The following RBMS3 variants were observed in gnomAD, a reference collection of about 807,000 sequenced individuals.
RBMS3 encodes RNA-binding motif, single-stranded-interacting protein 3.
In RBMS3, 27 loss-of-function variants were observed where a neutral mutation model predicts 66.8. The ratio of observed to expected loss-of-function variants is 0.40; its 90% CI spans 0.30 to 0.56. RBMS3 has a LOEUF of 0.56. Among genes scored for constraint, RBMS3 ranks in the 20% least tolerant of loss-of-function variants. The probability of loss-of-function intolerance (pLI) is 0.40; values close to 1 mark genes in which losing one functional copy is unlikely to be tolerated. For synonymous variants in RBMS3, 188 were observed against 183.0 expected (o/e 1.03, Z -0.22); for missense variants, 513 against 549.5 (o/e 0.93, Z 0.66).
chr3:29,437,752 C>T (rs1335812091), intron 2 of RBMS3, among the ~76,000 whole-genome samples: 1 of 152,092 alleles, frequency 6.6e-6, no homozygotes, highest in African/African-American at 2.4e-5. Context: ...TGACTTTTTG[C>T]CTCTTAACGT....
intron 10 of RBMS3, among the ~76,000 whole-genome samples, chr3:29,935,388 T>C (rs935900802): frequency 1.3e-5 from 2 of 152,082 alleles, no homozygotes; most frequent in Non-Finnish European, 2.9e-5. Context: ...GATTTAAAAG[T>C]TGACACTTTT....
chr3:29,337,483 T>A (rs2036021476), intron 1 of RBMS3, among the ~76,000 whole-genome samples: 1 of 151,666 alleles, frequency 6.6e-6, no homozygotes, highest in South Asian at 2.1e-4. Flanking sequence ...TACAAAAAAT[T>A]AAAAAATTAG....
chr3:29,677,146 G>A (rs2051290991), intron 4 of RBMS3, among the ~76,000 whole-genome samples: 1 of 152,060 alleles, frequency 6.6e-6, no homozygotes, highest in African/African-American at 2.4e-5. Flanking sequence ...AAGGGGGATG[G>A]TACTAAACAA....
intron 8 of RBMS3, among the ~76,000 whole-genome samples, chr3:29,892,265 T>C (rs2060018002): frequency 6.6e-6 from 1 of 151,540 alleles, no homozygotes; most frequent in African/African-American, 2.4e-5. Context: ...AGTTAACGTC[T>C]CTTAGCCACT....
Position 29,287,751 on chromosome 3 carries a change from C to A in RBMS3, c.75+5995C>A, listed in dbSNP as rs1431694831. ...GAGATAATAAATCTATAGGATTAAT[C>A]ATACTAATCATCACTACCATTCATA... On this transcript the variant is annotated intron_variant, in intron 1 of 14. Coordinates refer to ENST00000383767, the MANE Select transcript of RBMS3 (RefSeq NM_001003793.3). Among the ~76,000 whole-genome samples the A allele has an allele frequency of 2.6e-5, 4 of 152,078 alleles. No individual in the cohort carries two copies. The East Asian group carries it at 7.7e-4, about 29-fold the overall frequency.
intron 3 of RBMS3, among the ~76,000 whole-genome samples, chr3:29,549,962 A>T (rs1368902755): frequency 6.6e-6 from 1 of 152,180 alleles, no homozygotes; most frequent in African/African-American, 2.4e-5. Flanking sequence ...TAGGCATTAA[A>T]AAAAATGAAA....
At chr3:29,338,692 TCTC>T (rs1169020857) in intron 1 of RBMS3, among the ~76,000 whole-genome samples, 1 of 95,362 alleles carries the variant, frequency 1.0e-5, no homozygotes, top group African/African-American at 3.8e-5. Flanking sequence ...TCTCCTCTCC[TCTC>T]CTCCTCCTCT....
At chr3:29,822,804 G>A (rs572975561) in intron 6 of RBMS3, among the ~76,000 whole-genome samples, 2 of 152,272 alleles carry the variant, frequency 1.3e-5, no homozygotes, top group Admixed American at 1.3e-4. Flanking sequence ...ACCTATGATG[G>A]TGTCATGGCT....
chr3:29,727,901 T>C (rs2053952739), intron 4 of RBMS3, among the ~76,000 whole-genome samples: 1 of 152,130 alleles, frequency 6.6e-6, no homozygotes, highest in African/African-American at 2.4e-5. Context: ...AAAAGACACA[T>C]GCACATGTAT....
chr3:29,828,898 T>G (rs541374639), intron 6 of RBMS3, among the ~76,000 whole-genome samples: 40 of 152,286 alleles, frequency 2.6e-4, no homozygotes, highest in African/African-American at 9.1e-4. Context: ...GATAACTGTG[T>G]GTTCAGTAAT....
intron 1 of RBMS3, among the ~76,000 whole-genome samples, chr3:29,339,627 C>T (rs1333201359): frequency 2.0e-5 from 3 of 150,996 alleles, no homozygotes; most frequent in Admixed American, 1.3e-4. Flanking sequence ...GAACAGTCAT[C>T]CCTTTTTAGT....
At chr3:29,347,068 G>T (rs1026963476) in intron 1 of RBMS3, among the ~76,000 whole-genome samples, 1 of 152,158 alleles carries the variant, frequency 6.6e-6, no homozygotes, top group Non-Finnish European at 1.5e-5. Context: ...TGAACAAGGA[G>T]TTTCACCAAG....
At chr3:29,500,966 G>A (rs1229875335) in intron 3 of RBMS3, among the ~76,000 whole-genome samples, 3 of 152,036 alleles carry the variant, frequency 2.0e-5, no homozygotes, top group South Asian at 2.1e-4. Context: ...TTAATAAAAT[G>A]TAAAAAGGAA....
At chr3:29,485,840 T>C (rs1449523346) in intron 2 of RBMS3, among the ~76,000 whole-genome samples, 2 of 152,134 alleles carry the variant, frequency 1.3e-5, no homozygotes, top group Non-Finnish European at 2.9e-5. Flanking sequence ...TAATATTAGA[T>C]TTCTGCTTCC....
At chr3:29,992,931 C>T (rs80138180) in intron 14 of RBMS3, among the ~76,000 whole-genome samples, 12,326 of 152,130 alleles carry the variant, frequency 0.081, 850 homozygotes, top group South Asian at 0.18. Flanking sequence ...CAAAAGTCTA[C>T]GCCTACTCAA....
At chr3:29,917,319 C>T (rs9821982) in intron 10 of RBMS3, among the ~76,000 whole-genome samples, 2,347 of 152,108 alleles carry the variant, frequency 0.015, 55 homozygotes, top group African/African-American at 0.052. Context: ...TCTTTTCTTC[C>T]CACTTGGCGA....
At chr3:29,440,860 AC>A (rs1475832515) in intron 2 of RBMS3, among the ~76,000 whole-genome samples, 1 of 152,192 alleles carries the variant, frequency 6.6e-6, no homozygotes, top group Non-Finnish European at 1.5e-5. Flanking sequence ...ACACAATCAA[AC>A]CTTTTATCAG....
intron 2 of RBMS3, among the ~76,000 whole-genome samples, chr3:29,469,676 T>TAC (rs2042655686): frequency 6.6e-6 from 1 of 151,224 alleles, no homozygotes; most frequent in African/African-American, 2.4e-5. Context: ...TATATATATA[T>TAC]ATACATACGT....
At chr3:29,477,468 CAA>C (rs2042985720) in intron 2 of RBMS3, among the ~76,000 whole-genome samples, 1 of 151,868 alleles carries the variant, frequency 6.6e-6, no homozygotes, top group Non-Finnish European at 1.5e-5. Context: ...AACAAACAAA[CAA>C]ACAAACAAAC....
Sources: allele counts gnomAD v4.1 joint callset (sites outside exome capture counted in the v4.1 genomes callset), GRCh38; gene constraint gnomAD v4.1.1; transcripts MANE v1.5; gene names NCBI Gene and HGNC (gene_info 2026-07-23, HGNC 2026-07-21).